LRIG2: variants seen among roughly 807,000 people sequenced by gnomAD.
LRIG2 encodes the protein leucine-rich repeats and immunoglobulin-like domains protein 2.
A neutral mutation model predicts 107.8 loss-of-function variants in LRIG2; 93 were observed. That is an observed-to-expected ratio of 0.86 (90% CI 0.73 to 1.03). LRIG2 has a LOEUF of 1.03. LRIG2 is among the 50% of genes least tolerant of loss of function. The pLI is 0.00. For missense variants in LRIG2, 1,226 were observed against 1,296.0 expected (o/e 0.95, Z 0.83); for synonymous variants, 471 against 470.6 (o/e 1.00, Z -0.01).
rs1655572691 is a variant in LRIG2 at position 113,128,468 on chromosome 1, T to C, written c.*4367T>C. On this transcript the variant is annotated 3_prime_UTR_variant, in exon 18 of 18. Transcript: ENST00000361127. ...TTCTCATTTATGAAATGAGGACATT[T>C]TTCTAGATGCTGTAAAGCCCTTTCC... is the stretch of plus-strand genomic sequence containing the variant. 6.6e-6 allele frequency: 1 copy of C among 152,192 alleles called. No homozygotes were observed. Among genetic ancestry groups the C allele is most frequent in the South Asian group, 2.1e-4 (1 of 4,832 alleles). The allele number at this position is 152,192 out of a possible 1,614,324, so 9.4% of individuals were successfully genotyped here.
chr1:113,084,133 GC>G (rs1226213845), intron 1 of LRIG2, among the ~76,000 whole-genome samples: 1 of 150,518 alleles, frequency 6.6e-6, no homozygotes, highest in Non-Finnish European at 1.5e-5. Flanking sequence ...CTAATGTGCA[GC>G]CGTGATGGAG....
intron 8 of LRIG2, among the ~76,000 whole-genome samples, chr1:113,096,876 TAGG>T (rs1301139369): frequency 6.6e-6 from 1 of 152,188 alleles, no homozygotes; most frequent in Non-Finnish European, 1.5e-5. Flanking sequence ...TTTTCCATAT[TAGG>T]AGGCTGAGGT....
At chr1:113,113,170 T>C (rs1654844113) in intron 14 of LRIG2, among the ~76,000 whole-genome samples, 1 of 148,300 alleles carries the variant, frequency 6.7e-6, no homozygotes, top group Non-Finnish European at 1.5e-5. Flanking sequence ...TAAGACTATT[T>C]AACTGTTTGC....
rs1655439416 is a variant in LRIG2, at chr1:113,125,230, AG to A, written c.*1130del. 1 of 152,240 alleles carries A rather than the reference AG, an allele frequency of 6.6e-6. No homozygotes were observed. The highest frequency in any genetic ancestry group is 2.4e-5 in the African/African-American group (1 of 41,462). 9.4% of individuals were successfully genotyped at this position (152,240 alleles called of 1,614,324 possible). On this transcript the variant is annotated 3_prime_UTR_variant, in exon 18 of 18. Transcript: ENST00000361127. ...TGTTAAGAAGTGTATCTATAGAGGC[AG>A]CTACTTAGTGATTGTATACACATAA...
intron 1 of LRIG2, among the ~76,000 whole-genome samples, chr1:113,087,695 A>G (rs913825090): frequency 6.6e-6 from 1 of 152,120 alleles, no homozygotes; most frequent in Admixed American, 6.6e-5. Flanking sequence ...AGGTACTTTT[A>G]AAAAAAGAAA....
intron 16 of LRIG2, among the ~76,000 whole-genome samples, chr1:113,118,459 T>C (rs1655108958): frequency 6.6e-6 from 1 of 152,220 alleles, no homozygotes; most frequent in Admixed American, 6.5e-5. Flanking sequence ...TTTCATGAAG[T>C]GAAGTCATCA....
Position 113,112,598 on chromosome 1 carries a change from G to A in LRIG2, c.1918G>A (p.Gly640Ser). 6.2e-7 allele frequency: 1 copy of A among 1,614,144 alleles called. No homozygotes were observed. The highest frequency in any genetic ancestry group is 8.5e-7 in the Non-Finnish European group (1 of 1,180,028). The change falls in exon 14 of 18, where the codon GGT (glycine) becomes AGT (serine). Residue 640 changes from glycine (G) to serine (S), a missense_variant. This residue lies in a region of LRIG2 where 642 missense variants were observed against 712.2 expected (regional missense o/e 0.90). Coordinates refer to ENST00000361127, the MANE Select transcript of LRIG2 (RefSeq NM_014813.3). ...TCAGATTTCCTGGCAGAAAGATGGT[G>A]GTACTGACTTTCCTGCGGCTCGAGA... is the stretch of plus-strand genomic sequence containing the variant. ...APQISWQKDG[G>S]TDFPAARERR...
At chr1:113,077,892 C>G (rs1045755578) in intron 1 of LRIG2, among the ~76,000 whole-genome samples, 1 of 115,476 alleles carries the variant, frequency 8.7e-6, no homozygotes, top group Non-Finnish European at 1.7e-5. Context: ...CCCCTCCCCC[C>G]ACCCCATGAC....
intron 1 of LRIG2, among the ~76,000 whole-genome samples, chr1:113,090,439 A>G (rs930474531): frequency 6.6e-6 from 1 of 152,206 alleles, no homozygotes; most frequent in African/African-American, 2.4e-5. Context: ...CACGTAAAGT[A>G]AAATAGCTAT....
In LRIG2 at chr1:113,127,384, T is replaced by C. The variant is rs932027195; in HGVS notation, c.*3283T>C. Reference sequence around the variant, plus strand: ...ACAGGCACACCACCATTTCCAGCTTTTTTTTTTTTTTTTTTTTTGATATTT... The same window carrying C: ...ACAGGCACACCACCATTTCCAGCTTCTTTTTTTTTTTTTTTTTTGATATTT... On this transcript the variant is annotated 3_prime_UTR_variant, in exon 18 of 18. Coordinates refer to ENST00000361127, the MANE Select transcript of LRIG2 (RefSeq NM_014813.3). 32 of 11,130 alleles carry C rather than the reference T, an allele frequency of 2.9e-3. No individual in the cohort carries two copies. The highest frequency in any genetic ancestry group is 9.7e-3 in the Admixed American group (9 of 932). 0.7% of individuals were successfully genotyped at this position (11,130 alleles called of 1,614,324 possible). A position where few individuals can be genotyped will look rare whatever the true frequency, so the allele number is the denominator to read the frequency against.
chr1:113,113,519 T>G (rs1203169812), intron 14 of LRIG2, among the ~76,000 whole-genome samples: 1 of 145,630 alleles, frequency 6.9e-6, no homozygotes, highest in African/African-American at 2.5e-5. Context: ...ACCAGAAAAA[T>G]AAGAAGTCAT....
chr1:113,106,675 T>G (rs2101050416), intron 11 of LRIG2, among the ~76,000 whole-genome samples: 1 of 152,186 alleles, frequency 6.6e-6, no homozygotes, highest in African/African-American at 2.4e-5. Flanking sequence ...CAGCTAATTT[T>G]TGTATTTTTA....
At position 113,094,772 on chromosome 1, in the gene LRIG2, A is replaced by G. The variant is rs1416337297; in HGVS notation, c.803+17A>G. The stretch of plus-strand genomic sequence containing the variant: ...GGAAGAACTGTAAGTACTCGGGACT[A>G]GAGGTGATTATTAGGAAAGTAGTCT... On this transcript the variant is annotated intron_variant, in intron 6 of 17. Transcript: ENST00000361127. 6.2e-7 allele frequency: 1 copy of G among 1,606,118 alleles called. No individual in the cohort carries two copies. The highest frequency in any genetic ancestry group is 8.5e-7 in the Non-Finnish European group (1 of 1,174,372).
Position 113,128,709 on chromosome 1 carries a change from A to G in LRIG2, c.*4608A>G, listed in dbSNP as rs1337147767. The G allele has an allele frequency of 1.3e-5, 2 of 152,302 alleles. No individual in the cohort carries two copies. The highest frequency in any genetic ancestry group is 3.9e-4 in the East Asian group (2 of 5,176). The allele number at this position is 152,302 out of a possible 1,614,324, so 9.4% of individuals were successfully genotyped here. A position where few individuals can be genotyped will look rare whatever the true frequency, so the allele number is the denominator to read the frequency against. ...ATTCTGCTTCTAAACAGTATTAGTA[A>G]ACAAAGAATCTTGACTCAGTTGAAA... On this transcript the variant is annotated 3_prime_UTR_variant, in exon 18 of 18. Transcript: ENST00000361127.
intron 1 of LRIG2, 54 bp from the exon 2 acceptor site, chr1:113,091,264 C>A: frequency 8.7e-7 from 1 of 1,151,176 alleles, no homozygotes; most frequent in Non-Finnish European, 1.3e-6. Context: ...CTTTTTTTTT[C>A]TTTAGGTCTA....
In LRIG2 at chr1:113,086,844, GTCA is replaced by G. The variant is rs964365917; in HGVS notation, c.240-4469_240-4467del. ...CCCTCTGAGAGACCTTTACTCCTCT[GTCA>G]TCATATCTATAAATATTCAGATATT... On this transcript the variant is annotated intron_variant, in intron 1 of 17. Transcript: ENST00000361127. Among the ~76,000 whole-genome samples the G allele has an allele frequency of 7.2e-4, 110 of 152,260 alleles. 1 individual carries two copies. Among genetic ancestry groups the G allele is most frequent in the Admixed American group, 4.2e-3 (64 of 15,280 alleles).
intron 1 of LRIG2, among the ~76,000 whole-genome samples, chr1:113,088,191 T>A (rs972078980): frequency 6.6e-6 from 1 of 152,182 alleles, no homozygotes; most frequent in Non-Finnish European, 1.5e-5. Context: ...AGCCTCATTA[T>A]ATGGGGCTCT....
chr1:113,120,158 A>G (rs1056843065), intron 17 of LRIG2, among the ~76,000 whole-genome samples: 1 of 151,840 alleles, frequency 6.6e-6, no homozygotes, highest in African/African-American at 2.4e-5. Flanking sequence ...TAAAAGAATA[A>G]AATATGGGGG....
chr1:113,129,014 G>A lies in LRIG2; in HGVS notation c.*4913G>A, dbSNP rs898002385. ...AGAGCAGAAGATAGCCTGTGAGCCA[G>A]TGCTCTAGAAAACATCATGTAGGAG... On this transcript the variant is annotated 3_prime_UTR_variant, in exon 18 of 18. Transcript: ENST00000361127. 4 of 152,252 alleles carry A rather than the reference G, an allele frequency of 2.6e-5. No individual in the cohort carries two copies. The highest frequency in any genetic ancestry group is 2.1e-4 in the South Asian group (1 of 4,810). The allele number at this position is 152,252 out of a possible 1,614,324, so 9.4% of individuals were successfully genotyped here.
Sources: gnomAD v4.1 joint callset for allele counts (sites outside exome capture counted in the v4.1 genomes callset) on GRCh38, gnomAD v4.1.1 for gene constraint, gnomAD v4.1.1 regional missense constraint, MANE v1.5 for transcripts, NCBI Gene and HGNC (gene_info 2026-07-23, HGNC 2026-07-21) for gene names.